IRAK4: variants seen among roughly 807,000 people sequenced by gnomAD.
The protein encoded by IRAK4 is interleukin 1 receptor associated kinase 4, also known as interleukin-1 receptor-associated kinase 4.
Under a neutral mutation model 51.8 loss-of-function variants are expected in IRAK4, and 44 were observed. That is an observed-to-expected ratio of 0.85 (90% confidence interval 0.67 to 1.09). The LOEUF (loss-of-function observed/expected upper bound fraction) is 1.09. Ranked by LOEUF, IRAK4 falls within the 50% of genes least tolerant of loss-of-function variation. The pLI, the probability that IRAK4 is intolerant of heterozygous loss-of-function variation, is 0.00. For synonymous variants in IRAK4, 149 were observed against 174.1 expected (o/e 0.86, Z 1.13); for missense variants, 487 against 538.0 (o/e 0.91, Z 0.94).
chr12:43,786,059 G>C (rs1942187004), intron 10 of IRAK4, among the ~76,000 whole-genome samples: 1 of 144,624 alleles, frequency 6.9e-6, no homozygotes, highest in Non-Finnish European at 1.5e-5. Context: ...TTTTTTTTGA[G>C]ACAGAGTCTC....
chr12:43,787,839 C>G lies in IRAK4; in HGVS notation c.*1124C>G, dbSNP rs1307233144. On this transcript the variant is annotated 3_prime_UTR_variant, in exon 12 of 12. Coordinates refer to ENST00000613694, the MANE Select transcript of IRAK4 (RefSeq NM_016123.4). ...TGGGAGGCCGAGGCAGGCAGATCAC[C>G]TGAGGTCAAGAGTTCAAGACCGGCC... is the stretch of plus-strand genomic sequence containing the variant. The G allele has an allele frequency of 4.6e-5, 7 of 152,472 alleles. No individual in the cohort carries two copies. The highest frequency in any genetic ancestry group is 1.4e-4 in the African/African-American group (6 of 41,404). The allele number at this position is 152,472 out of a possible 1,614,324, so 9.4% of individuals were successfully genotyped here.
intron 8 of IRAK4, among the ~76,000 whole-genome samples, chr12:43,781,667 A>T (rs1941788540): frequency 6.6e-6 from 1 of 152,104 alleles, no homozygotes; most frequent in South Asian, 2.1e-4. Flanking sequence ...TTAAAAAATT[A>T]TTTATGCCTT....
At chr12:43,775,276 G>A (rs1941162370) in intron 6 of IRAK4, among the ~76,000 whole-genome samples, 1 of 152,108 alleles carries the variant, frequency 6.6e-6, no homozygotes, top group Non-Finnish European at 1.5e-5. Context: ...CTTGTTCACA[G>A]TAGGTCATCT....
intron 1 of IRAK4, among the ~76,000 whole-genome samples, chr12:43,765,161 T>A (rs970622763): frequency 3.9e-5 from 6 of 152,218 alleles, no homozygotes; most frequent in African/African-American, 1.4e-4. Flanking sequence ...GTACAACAGT[T>A]TGGGCAGCCA....
At chr12:43,767,422 A>G (rs1940270003) in intron 1 of IRAK4, among the ~76,000 whole-genome samples, 1 of 152,208 alleles carries the variant, frequency 6.6e-6, no homozygotes, top group Admixed American at 6.5e-5. Flanking sequence ...TCCAGGATGG[A>G]GTAGCAGAAG....
In IRAK4 at chr12:43,777,676, G is replaced by A. The variant is rs774020314; in HGVS notation, c.763G>A (p.Gly255Arg). 26 of 1,610,940 alleles carry A rather than the reference G, an allele frequency of 1.6e-5. No homozygotes were observed. The South Asian group carries it at 2.9e-4, about 18-fold the overall frequency. Reference protein sequence around the residue: ...LVELLGFSSDGDDLCLVYVYM... With the variant: ...LVELLGFSSDRDDLCLVYVYM... ...AGAACTACTTGGTTTCTCAAGTGAT[G>A]GAGATGACCTCTGCTTAGTATATGT... The change falls in exon 7 of 12, where the codon GGA (glycine) becomes AGA (arginine). Residue 255 changes from glycine (G) to arginine (R), a missense_variant. Coordinates refer to ENST00000613694, the MANE Select transcript of IRAK4 (RefSeq NM_016123.4).
At chr12:43,779,013 T>C (rs1592248477) in intron 8 of IRAK4, among the ~76,000 whole-genome samples, 1 of 152,018 alleles carries the variant, frequency 6.6e-6, no homozygotes, top group Non-Finnish European at 1.5e-5. Flanking sequence ...AGAAATGAAA[T>C]ATGCTTTGGG....
chr12:43,773,153 A>G, intron 5 of IRAK4, 81 bp downstream of exon 5: 1 of 1,220,638 alleles, frequency 8.2e-7, no homozygotes, highest in South Asian at 1.3e-5. Context: ...AATCTTTAGG[A>G]AATACATTAT....
intron 2 of IRAK4, 181 bp from the exon 3 acceptor site, chr12:43,771,039 T>C (rs1254286456): frequency 2.9e-6 from 2 of 698,126 alleles, no homozygotes; most frequent in Admixed American, 4.0e-5. Context: ...CACCATGAGA[T>C]GATGTAGCAA....
At position 43,772,261 on chromosome 12, in the gene IRAK4, A is replaced by G. The variant is rs751316240; in HGVS notation, c.389A>G (p.Lys130Arg). ...CAAAAACAGATGCCTTTCTGTGACAAAGACAGGACATTGATGACACCTGTG... is the reference window on the plus strand; with the variant it reads ...CAAAAACAGATGCCTTTCTGTGACAGAGACAGGACATTGATGACACCTGTG... The part of the protein sequence containing the change: ...VQQKQMPFCD[K>R]DRTLMTPVQN... Residue 130 changes from lysine to arginine, a missense_variant, in exon 4 of 12, where the codon AAA (lysine) becomes AGA (arginine). Coordinates refer to ENST00000613694, the MANE Select transcript of IRAK4 (RefSeq NM_016123.4). 3.7e-6 allele frequency: 6 copies of G among 1,613,668 alleles called. No individual in the cohort carries two copies. The highest frequency in any genetic ancestry group is 5.1e-6 in the Non-Finnish European group (6 of 1,179,796).
In IRAK4 at chr12:43,788,079, G is replaced by T. The variant is rs186825265; in HGVS notation, c.*1364G>T. 6.6e-6 allele frequency: 1 copy of T among 151,976 alleles called. No homozygotes were observed. Among genetic ancestry groups the T allele is most frequent in the African/African-American group, 2.4e-5 (1 of 41,382 alleles). 9.4% of individuals were successfully genotyped at this position (151,976 alleles called of 1,614,324 possible). A position where few individuals can be genotyped will look rare whatever the true frequency, so the allele number is the denominator to read the frequency against. On this transcript the variant is annotated 3_prime_UTR_variant, in exon 12 of 12. Coordinates refer to ENST00000613694, the MANE Select transcript of IRAK4 (RefSeq NM_016123.4). ...CATAAATAAATAAATAAATAAATGG[G>T]TCACATTAAGCCTTTAAGTTTGTGG...
intron 6 of IRAK4, among the ~76,000 whole-genome samples, chr12:43,774,535 G>A (rs568482242): frequency 1.2e-4 from 19 of 152,136 alleles, no homozygotes; most frequent in Non-Finnish European, 2.4e-4. Context: ...GCGTGACCAC[G>A]CCTGGCCGCA....
Position 43,777,622 on chromosome 12 carries a change from TG to T in IRAK4, c.717-7del. ...TAATAATTTTGCATGAAAAATTATT[TG>T]TCACAGGTGTCAACATGAAAACTTA... On this transcript the variant is annotated splice_region_variant and splice_polypyrimidine_tract_variant and intron_variant, in intron 6 of 11. Transcript: ENST00000613694. The T allele has an allele frequency of 6.3e-7, 1 of 1,596,464 alleles. No homozygotes were observed. The highest frequency in any genetic ancestry group is 8.5e-7 in the Non-Finnish European group (1 of 1,170,748).
chr12:43,782,712 C>A (rs1941886841), intron 9 of IRAK4, among the ~76,000 whole-genome samples: 1 of 152,094 alleles, frequency 6.6e-6, no homozygotes, highest in Admixed American at 6.5e-5. Context: ...GATTTTCTTG[C>A]CATCTGTCTT....
At chr12:43,778,872 G>A (rs1941532168) in intron 8 of IRAK4, among the ~76,000 whole-genome samples, 1 of 152,100 alleles carries the variant, frequency 6.6e-6, no homozygotes, top group African/African-American at 2.4e-5. Context: ...TCAAAGAATG[G>A]GCAGGAAATA....
chr12:43,774,075 A>G (rs774991783), intron 6 of IRAK4, 46 bp downstream of exon 6: 1 of 1,350,280 alleles, frequency 7.4e-7, no homozygotes, highest in South Asian at 1.2e-5. Flanking sequence ...GAAAAAAGAC[A>G]AGGAGTAAAG....
chr12:43,775,873 A>ATTTTT (rs1941212405), intron 6 of IRAK4, among the ~76,000 whole-genome samples: 1 of 119,518 alleles, frequency 8.4e-6, no homozygotes, highest in African/African-American at 3.6e-5. Flanking sequence ...TAATATCATT[A>ATTTTT]CTTTTTTTTT....
At position 43,784,451 on chromosome 12, in the gene IRAK4, T is replaced by A. The variant is rs12229481; in HGVS notation, c.1188+727T>A. 8.3e-3 allele frequency among the ~76,000 whole-genome samples: 1,262 copies of A among 152,270 alleles called. 17 individuals carry two copies. Among genetic ancestry groups the A allele is most frequent in the East Asian group, 0.062 (321 of 5,176 alleles). ...AGACTGCCATCCCACCAGACACCAGTTGTAAGTTTAGGCCTCCAGAACTTC... is the reference window on the plus strand; with the variant it reads ...AGACTGCCATCCCACCAGACACCAGATGTAAGTTTAGGCCTCCAGAACTTC... On this transcript the variant is annotated intron_variant, in intron 10 of 11. Coordinates refer to ENST00000613694, the MANE Select transcript of IRAK4 (RefSeq NM_016123.4).
Position 43,786,789 on chromosome 12 carries a change from A to G in IRAK4, c.*74A>G, listed in dbSNP as rs934115892. 8 of 1,299,942 alleles carry G rather than the reference A, an allele frequency of 6.2e-6. No homozygotes were observed. Among genetic ancestry groups the G allele is most frequent in the Non-Finnish European group, 8.9e-6 (8 of 901,512 alleles). 80.5% of individuals were successfully genotyped at this position (1,299,942 alleles called of 1,614,324 possible). On this transcript the variant is annotated 3_prime_UTR_variant, in exon 12 of 12. Coordinates refer to ENST00000613694, the MANE Select transcript of IRAK4 (RefSeq NM_016123.4). ...CATTTTTTTAACTGATTTTTTTCCT[A>G]AATATTCTTCTTTACCTTTAACAAG...
Sources: gnomAD v4.1 joint callset for allele counts (sites outside exome capture counted in the v4.1 genomes callset) on GRCh38, gnomAD v4.1.1 for gene constraint, MANE v1.5 for transcripts, NCBI Gene and HGNC (gene_info 2026-07-23, HGNC 2026-07-21) for gene names.